SGCZ: variants seen among roughly 807,000 people sequenced by gnomAD.
SGCZ encodes zeta-sarcoglycan.
Under a neutral mutation model 41.3 loss-of-function variants are expected in SGCZ, and 40 were observed. That is an observed-to-expected ratio of 0.97 (90% CI 0.75 to 1.26). The LOEUF is 1.26. Ranked by LOEUF, SGCZ falls within the 50% of genes most tolerant of loss-of-function variation. The pLI is 0.00. For missense variants in SGCZ, 552 were observed against 369.8 expected (o/e 1.49, Z -4.04); for synonymous variants, 206 against 137.5 (o/e 1.50, Z -3.49).
At chr8:14,156,674 T>G (rs961184493) in intron 5 of SGCZ, among the ~76,000 whole-genome samples, 16 of 152,208 alleles carry the variant, frequency 1.1e-4, no homozygotes, top group Admixed American at 6.5e-4. Flanking sequence ...TTTCTTTCTT[T>G]ATACTCTTAT....
At chr8:14,776,791 C>A (rs1212111781) in intron 1 of SGCZ, among the ~76,000 whole-genome samples, 1 of 151,932 alleles carries the variant, frequency 6.6e-6, no homozygotes, top group Admixed American at 6.6e-5. Context: ...TGGCGCCCAG[C>A]CCAGACTAAT....
At chr8:15,069,494 T>C (rs1402135471) in intron 1 of SGCZ, among the ~76,000 whole-genome samples, 1 of 152,178 alleles carries the variant, frequency 6.6e-6, no homozygotes, top group Non-Finnish European at 1.5e-5. Flanking sequence ...TTTGCTTTCA[T>C]TTTTTTCCTG....
At chr8:14,995,784 G>A (rs764576933) in intron 1 of SGCZ, among the ~76,000 whole-genome samples, 12 of 152,078 alleles carry the variant, frequency 7.9e-5, no homozygotes, top group Non-Finnish European at 1.6e-4. Flanking sequence ...AAAATGTAGG[G>A]CTCTAAAATA....
At chr8:14,553,817 G>C (rs1803947269) in intron 2 of SGCZ, among the ~76,000 whole-genome samples, 2 of 152,088 alleles carry the variant, frequency 1.3e-5, no homozygotes. Context: ...AGGAATATCA[G>C]TGAAGTTAAA....
In SGCZ at chr8:14,089,898, T is replaced by C. The variant is rs1585123379; in HGVS notation, c.*545A>G. 6.6e-6 allele frequency: 1 copy of C among 152,518 alleles called. No homozygotes were observed. The highest frequency in any genetic ancestry group is 1.9e-4 in the East Asian group (1 of 5,166). 9.4% of individuals were successfully genotyped at this position (152,518 alleles called of 1,614,324 possible). A position where few individuals can be genotyped will look rare whatever the true frequency, so the allele number is the denominator to read the frequency against. ...GATTCTGTATTGTTTTGTTTTGTTC[T>C]GTTTTGTTAAAAACCATGTATTGAA... is the stretch of plus-strand genomic sequence containing the variant. On this transcript the variant is annotated 3_prime_UTR_variant, in exon 8 of 8. Coordinates refer to ENST00000382080, the MANE Select transcript of SGCZ (RefSeq NM_139167.4).
In SGCZ at chr8:14,749,809, A is replaced by G. The variant is rs1799446786; in HGVS notation, c.40-194883T>C. 2.6e-5 allele frequency among the ~76,000 whole-genome samples: 4 copies of G among 152,262 alleles called. 1 individual carries two copies. The highest frequency in any genetic ancestry group is 9.6e-5 in the African/African-American group (4 of 41,556). ...AAGTCTGTGATCCTGCCTCCACTGG[A>G]AGACGGAATTTTTAAAAATTAACTA... On this transcript the variant is annotated intron_variant, in intron 1 of 7. Coordinates refer to ENST00000382080, the MANE Select transcript of SGCZ (RefSeq NM_139167.4).
intron 1 of SGCZ, among the ~76,000 whole-genome samples, chr8:14,881,924 A>G (rs1471267882): frequency 6.6e-6 from 1 of 152,130 alleles, no homozygotes; most frequent in Non-Finnish European, 1.5e-5. Context: ...TAAGAAACTC[A>G]CTCAAAACCA....
intron 2 of SGCZ, among the ~76,000 whole-genome samples, chr8:14,502,096 C>G (rs1005956023): frequency 6.6e-6 from 1 of 152,020 alleles, no homozygotes; most frequent in Non-Finnish European, 1.5e-5. Context: ...GTTTACAATT[C>G]TTTGCCTTCA....
At chr8:14,324,424 T>C (rs1224631568) in intron 2 of SGCZ, among the ~76,000 whole-genome samples, 1 of 152,112 alleles carries the variant, frequency 6.6e-6, no homozygotes, top group Non-Finnish European at 1.5e-5. Flanking sequence ...AAGGACTGTG[T>C]CTTCTTCGAG....
chr8:15,008,173 T>C (rs929993714), intron 1 of SGCZ, among the ~76,000 whole-genome samples: 3 of 152,164 alleles, frequency 2.0e-5, no homozygotes, highest in African/African-American at 7.2e-5. Flanking sequence ...CTGCACCTAC[T>C]TGAAGCACTC....
chr8:14,980,872 A>T (rs2130879590), intron 1 of SGCZ, among the ~76,000 whole-genome samples: 1 of 150,302 alleles, frequency 6.7e-6, no homozygotes, highest in East Asian at 1.9e-4. Context: ...TCTTTTATCT[A>T]TCCATGCATA....
At chr8:14,377,583 G>C (rs28860324) in intron 2 of SGCZ, among the ~76,000 whole-genome samples, 2,278 of 151,548 alleles carry the variant, frequency 0.015, 58 homozygotes, top group African/African-American at 0.051. Flanking sequence ...CATTGTGCAG[G>C]TTAGTTACAT....
intron 1 of SGCZ, among the ~76,000 whole-genome samples, chr8:14,999,923 G>T (rs1485890238): frequency 6.6e-6 from 1 of 152,172 alleles, no homozygotes; most frequent in East Asian, 1.9e-4. Flanking sequence ...GGGTGTTACG[G>T]GCTGAATGCC....
At chr8:15,063,206 A>C (rs554763638) in intron 1 of SGCZ, among the ~76,000 whole-genome samples, 5 of 152,128 alleles carry the variant, frequency 3.3e-5, no homozygotes, top group Non-Finnish European at 7.4e-5. Context: ...TAATTGAAAA[A>C]CAGAGTCCAG....
At chr8:14,360,710 G>A (rs573507483) in intron 2 of SGCZ, among the ~76,000 whole-genome samples, 2 of 152,082 alleles carry the variant, frequency 1.3e-5, no homozygotes, top group Admixed American at 6.6e-5. Flanking sequence ...CTGTTTAAGG[G>A]CATCTAAATT....
At chr8:14,600,199 G>A (rs778218600) in intron 1 of SGCZ, among the ~76,000 whole-genome samples, 9 of 151,992 alleles carry the variant, frequency 5.9e-5, no homozygotes, top group Admixed American at 2.0e-4. Context: ...CTGCCTCCCT[G>A]CCTTGTCTTC....
At chr8:14,776,440 T>G in intron 1 of SGCZ, among the ~76,000 whole-genome samples, 1 of 152,112 alleles carries the variant, frequency 6.6e-6, no homozygotes. Context: ...TAAACCTGTT[T>G]CCTTTATAAA....
At chr8:14,460,454 G>A (rs1333694313) in intron 2 of SGCZ, among the ~76,000 whole-genome samples, 8 of 152,146 alleles carry the variant, frequency 5.3e-5, no homozygotes, top group Non-Finnish European at 1.2e-4. Context: ...TTCACTGGGT[G>A]TCAGTGCTCA....
intron 2 of SGCZ, among the ~76,000 whole-genome samples, chr8:14,417,099 G>A (rs1437174020): frequency 6.6e-6 from 1 of 151,750 alleles, no homozygotes; most frequent in Non-Finnish European, 1.5e-5. Flanking sequence ...GTTATTCTAT[G>A]CTCAACCTGT....
Sources: gnomAD v4.1 joint callset for allele counts (sites outside exome capture counted in the v4.1 genomes callset) on GRCh38, gnomAD v4.1.1 for gene constraint, MANE v1.5 for transcripts, NCBI Gene and HGNC (gene_info 2026-07-23, HGNC 2026-07-21) for gene names.